The following LIMA1 variants were observed in gnomAD, a reference collection of about 807,000 sequenced individuals.
LIMA1 encodes LIM domain and actin binding 1.
Under a neutral mutation model 62.6 loss-of-function variants are expected in LIMA1, and 52 were observed. The observed-to-expected ratio is 0.83, with a 90% CI of 0.67 to 1.05. The LOEUF is 1.05. Among genes scored for constraint, LIMA1 ranks in the 50% least tolerant of loss-of-function variants. LIMA1 has a pLI of 0.00. For synonymous variants in LIMA1, 302 were observed against 317.8 expected, an observed-to-expected ratio of 0.95 and a Z score of 0.53; for missense variants, 780 against 902.2, an observed-to-expected ratio of 0.86 and a Z score of 1.74.
At chr12:50,268,515 C>T (rs916396562) in intron 1 of LIMA1, among the ~76,000 whole-genome samples, 5 of 152,198 alleles carry the variant, frequency 3.3e-5, no homozygotes, top group African/African-American at 1.2e-4. Flanking sequence ...TTATTGAGTA[C>T]TGGCCATATG....
At position 50,230,743 on chromosome 12, in the gene LIMA1, AT is replaced by A. The variant is rs372238063; in HGVS notation, c.165+921del. ...AGGCGCCCGCCACCACGCCCGGCTA[AT>A]TTTTTTGTATTTTTAGTACAGACGG... is the stretch of plus-strand genomic sequence containing the variant. On this transcript the variant is annotated intron_variant, in intron 3 of 10. Coordinates refer to ENST00000341247, the MANE Select transcript of LIMA1 (RefSeq NM_016357.5). Among the ~76,000 whole-genome samples, 49 of 151,680 alleles carry A rather than the reference AT, an allele frequency of 3.2e-4. No homozygotes were observed. In the East Asian group the frequency reaches 8.8e-3, roughly 27 times the overall value.
chr12:50,252,961 T>C (rs990909366), intron 1 of LIMA1, among the ~76,000 whole-genome samples: 1 of 152,124 alleles, frequency 6.6e-6, no homozygotes, highest in Admixed American at 6.6e-5. Flanking sequence ...ATCCTGAAAC[T>C]AAGTGAGAGG....
intron 4 of LIMA1, chr12:50,217,950 G>A (rs1025893296): frequency 6.4e-5 from 10 of 156,564 alleles, no homozygotes; most frequent in Non-Finnish European, 1.2e-4. Flanking sequence ...TCTTGCCCAG[G>A]CTGGAGTGCA....
At chr12:50,258,616 A>C (rs1190039840) in intron 1 of LIMA1, among the ~76,000 whole-genome samples, 2 of 72,116 alleles carry the variant, frequency 2.8e-5, no homozygotes, top group Admixed American at 1.4e-4. Context: ...ACATTTCTTT[A>C]TTTAGCTCTA....
intron 3 of LIMA1, among the ~76,000 whole-genome samples, chr12:50,225,034 C>A (rs930254472): frequency 2.0e-5 from 3 of 151,450 alleles, no homozygotes; most frequent in African/African-American, 7.3e-5. Context: ...TCCTGAGTAG[C>A]TGGGATTACA....
intron 1 of LIMA1, 111 bp from the exon 2 acceptor site, chr12:50,248,885 G>C: frequency 1.5e-6 from 1 of 661,746 alleles, no homozygotes; most frequent in Non-Finnish European, 2.7e-6. Flanking sequence ...CTCCTCCACT[G>C]TTCTCCCCCA....
At chr12:50,264,328 T>A (rs958056216) in intron 1 of LIMA1, among the ~76,000 whole-genome samples, 2 of 152,330 alleles carry the variant, frequency 1.3e-5, no homozygotes, top group Admixed American at 1.3e-4. Flanking sequence ...TTAAAACCGC[T>A]GAACTGAGCA....
At chr12:50,186,544 T>G (rs989465119) in intron 9 of LIMA1, 33 of 152,748 alleles carry the variant, frequency 2.2e-4, no homozygotes, top group Non-Finnish European at 1.5e-4. Context: ...AAAGGGGTAG[T>G]GCCCAGAGCA....
chr12:50,278,377 G>A (rs7298085), intron 1 of LIMA1, among the ~76,000 whole-genome samples: 1,785 of 152,178 alleles, frequency 0.012, 45 homozygotes, highest in African/African-American at 0.041. Context: ...AGCAGAGATC[G>A]TGCCACTGCA....
chr12:50,250,804 A>G (rs1351891671), intron 1 of LIMA1, among the ~76,000 whole-genome samples: 1 of 152,200 alleles, frequency 6.6e-6, no homozygotes, highest in Admixed American at 6.5e-5. Flanking sequence ...TGTTGGCCTC[A>G]TCACTTAATG....
intron 4 of LIMA1, among the ~76,000 whole-genome samples, chr12:50,216,417 G>T (rs1055870480): frequency 6.6e-6 from 1 of 151,976 alleles, no homozygotes; most frequent in Non-Finnish European, 1.5e-5. Flanking sequence ...GTTTCTCCAT[G>T]TTGGTCAGGC....
chr12:50,210,961 C>T (rs985691594), intron 4 of LIMA1, among the ~76,000 whole-genome samples: 11 of 152,120 alleles, frequency 7.2e-5, no homozygotes, highest in Admixed American at 2.0e-4. Context: ...TTCATGATAT[C>T]GCAGGTTCAG....
rs71083524 is a variant in LIMA1, at chr12:50,261,042, A to ATTTTTTTTTTTTTTT, written c.-23-12283_-23-12269dup. On this transcript the variant is annotated intron_variant, in intron 1 of 10. Transcript: ENST00000341247. ...CTTTTGCTTTTCTGCCATCTAGTAT[A>ATTTTTTTTTTTTTTT]TTTTTTTTTTTTTTTTTTTTTTTTT... 1.0e-3 allele frequency among the ~76,000 whole-genome samples: 55 copies of ATTTTTTTTTTTTTTT among 54,288 alleles called. 15 individuals are homozygous for ATTTTTTTTTTTTTTT. In the East Asian group the frequency reaches 0.013, roughly 12 times the overall value. 35.6% of individuals were successfully genotyped at this position (54,288 alleles called of 152,430 possible).
At position 50,261,042 on chromosome 12, in the gene LIMA1, A is replaced by ATAT. The variant is rs1383547189; in HGVS notation, c.-23-12269_-23-12268insATA. Among the ~76,000 whole-genome samples the ATAT allele has an allele frequency of 1.6e-3, 87 of 54,288 alleles. 3 individuals carry two copies. Among genetic ancestry groups the ATAT allele is most frequent in the African/African-American group, 5.8e-3 (81 of 13,946 alleles). The allele number at this position is 54,288 out of a possible 152,430, so 35.6% of individuals were successfully genotyped here. On this transcript the variant is annotated intron_variant, in intron 1 of 10. Transcript: ENST00000341247. ...CTTTTGCTTTTCTGCCATCTAGTAT[A>ATAT]TTTTTTTTTTTTTTTTTTTTTTTTT...
rs1940800197 is a variant in LIMA1, at chr12:50,192,514, G to T, written c.1078C>A (p.Pro360Thr). ...SEVQQPVHPKPLSPDSRASSL... is the reference protein window; with the variant it reads ...SEVQQPVHPKTLSPDSRASSL... ...GAGGCTCTGGAATCTGGACTTAGTG[G>T]CTTGGGATGGACAGGCTGTTGAACC... The change falls in exon 9 of 11, where the codon CCA (proline) becomes ACA (threonine). Residue 360 changes from proline (P) to threonine (T), a missense_variant. Pro to Thr is a conservative substitution (Grantham distance 38). Coordinates refer to ENST00000341247, the MANE Select transcript of LIMA1 (RefSeq NM_016357.5). 3.7e-6 allele frequency: 6 copies of T among 1,614,086 alleles called. No individual in the cohort carries two copies. The East Asian group carries it at 1.3e-4, about 36-fold the overall frequency.
chr12:50,222,591 A>G (rs889042509), intron 3 of LIMA1, 106 bp from the exon 4 acceptor site: 9 of 1,557,944 alleles, frequency 5.8e-6, no homozygotes, highest in Non-Finnish European at 6.9e-6. Context: ...CTCCTGGTCC[A>G]CTGCTGTTTC....
intron 3 of LIMA1, among the ~76,000 whole-genome samples, chr12:50,230,250 G>T (rs1453087694): frequency 1.3e-5 from 2 of 152,158 alleles, no homozygotes; most frequent in East Asian, 3.9e-4. Flanking sequence ...GGCCAGGTTG[G>T]TCTCCCAACT....
rs180927316 is a variant in LIMA1, at chr12:50,218,596, T to C, written c.630+3425A>G. 1.3e-3 allele frequency among the ~76,000 whole-genome samples: 194 copies of C among 152,290 alleles called. 1 individual carries two copies. The highest frequency in any genetic ancestry group is 6.8e-3 in the Middle Eastern group (2 of 294). ...ACAATGATGCCAAGGTGCTCTGTCA[T>C]TGACATTCTCATCCTTTAAGAATTT... On this transcript the variant is annotated intron_variant, in intron 4 of 10. Coordinates refer to ENST00000341247, the MANE Select transcript of LIMA1 (RefSeq NM_016357.5).
At chr12:50,254,219 A>G (rs1941965406) in intron 1 of LIMA1, among the ~76,000 whole-genome samples, 1 of 152,120 alleles carries the variant, frequency 6.6e-6, no homozygotes, top group Non-Finnish European at 1.5e-5. Context: ...GAGTTAAAGG[A>G]AACATATAAC....
Sources: gnomAD v4.1 joint callset for allele counts (sites outside exome capture counted in the v4.1 genomes callset) on GRCh38, gnomAD v4.1.1 for gene constraint, MANE v1.5 for transcripts, NCBI Gene and HGNC (gene_info 2026-07-23, HGNC 2026-07-21) for gene names.